Variants in SNX29 observed in about 807,000 individuals in gnomAD.
The protein encoded by SNX29 is sorting nexin-29.
SNX29 carries 78 observed loss-of-function variants against 102.1 expected under a neutral mutation model. The observed-to-expected ratio is 0.76, with a 90% CI of 0.64 to 0.92. The LOEUF is 0.92. Ranked by LOEUF, SNX29 falls within the 40% of genes least tolerant of loss-of-function variation. The pLI, the probability that SNX29 is intolerant of heterozygous loss-of-function variation, is 0.00. For missense variants in SNX29, 1,280 were observed against 1,061.7 expected, an observed-to-expected ratio of 1.21 and a Z score of -2.86; for synonymous variants, 580 against 414.5, an observed-to-expected ratio of 1.40 and a Z score of -4.85.
chr16:11,985,613 G>A (rs1346071712), intron 1 of SNX29, among the ~76,000 whole-genome samples: 5 of 152,178 alleles, frequency 3.3e-5, no homozygotes, highest in Non-Finnish European at 7.3e-5. Context: ...CCATCACTGT[G>A]ATTTTGGTTG....
intron 20 of SNX29, among the ~76,000 whole-genome samples, chr16:12,535,705 C>T (rs977857019): frequency 6.6e-6 from 1 of 152,138 alleles, no homozygotes; most frequent in Non-Finnish European, 1.5e-5. Flanking sequence ...TGTGGGTCCT[C>T]TGTGCCCCTT....
At position 12,539,168 on chromosome 16, in the gene SNX29, C is replaced by T. The variant is rs148646131; in HGVS notation, c.2318+14327C>T. Among the ~76,000 whole-genome samples the T allele has an allele frequency of 2.6e-3, 392 of 152,282 alleles. 4 individuals carry two copies. The highest frequency in any genetic ancestry group is 0.022 in the South Asian group (106 of 4,826). ...AATTGACTTTTGCTCTTGTTCATGT[C>T]TGTGAATTTAAACACATGCATAGAT... On this transcript the variant is annotated intron_variant, in intron 20 of 20. Transcript: ENST00000566228.
At chr16:12,169,598 G>C (rs751983547) in intron 13 of SNX29, among the ~76,000 whole-genome samples, 2 of 152,156 alleles carry the variant, frequency 1.3e-5, no homozygotes, top group African/African-American at 4.8e-5. Flanking sequence ...TGTGGCTCAC[G>C]CCTGTAATCC....
intron 20 of SNX29, among the ~76,000 whole-genome samples, chr16:12,563,532 T>C (rs965745155): frequency 6.6e-6 from 1 of 152,312 alleles, no homozygotes; most frequent in African/African-American, 2.4e-5. Context: ...AAAATTGAGT[T>C]GTCTCCCACC....
chr16:12,170,427 C>T lies in SNX29; in HGVS notation c.1596-29174C>T, dbSNP rs192758781. 4.6e-4 allele frequency among the ~76,000 whole-genome samples: 70 copies of T among 151,956 alleles called. 1 individual carries two copies. In the East Asian group the frequency reaches 9.7e-3, roughly 21 times the overall value. On this transcript the variant is annotated intron_variant, in intron 13 of 20. Coordinates refer to ENST00000566228, the MANE Select transcript of SNX29 (RefSeq NM_032167.5). ...AGCCAGCTCTGGGTCTCCTCTGTTACGTGGGGGAGACCACTTAGCCCTGAG... is the reference window on the plus strand; with the variant it reads ...AGCCAGCTCTGGGTCTCCTCTGTTATGTGGGGGAGACCACTTAGCCCTGAG...
intron 20 of SNX29, among the ~76,000 whole-genome samples, chr16:12,538,484 C>CAT (rs1567672359): frequency 6.6e-6 from 1 of 152,100 alleles, no homozygotes; most frequent in Non-Finnish European, 1.5e-5. Flanking sequence ...TGCTGTGTAA[C>CAT]ATACATCTAT....
intron 18 of SNX29, among the ~76,000 whole-genome samples, chr16:12,416,335 G>A (rs2084635289): frequency 6.6e-6 from 1 of 152,198 alleles, no homozygotes; most frequent in Non-Finnish European, 1.5e-5. Flanking sequence ...TAGACAGGAG[G>A]AAGAAGTTCT....
At chr16:12,008,389 C>G (rs1217220363) in intron 3 of SNX29, among the ~76,000 whole-genome samples, 1 of 152,186 alleles carries the variant, frequency 6.6e-6, no homozygotes, top group Non-Finnish European at 1.5e-5. Context: ...CTTGCCTCGG[C>G]CTTCCAGGTA....
Position 12,425,539 on chromosome 16 carries a change from A to AAT in SNX29, c.2037+22011_2037+22012insTA, listed in dbSNP as rs1567550028. ...CCAAATGACCAGAGTTAAAAAAAAA[A>AAT]AAAAATAAAAAAAATAAAAAGAGGG... On this transcript the variant is annotated intron_variant, in intron 18 of 20. Transcript: ENST00000566228. Among the ~76,000 whole-genome samples, 426 of 79,058 alleles carry AAT rather than the reference A, an allele frequency of 5.4e-3. 6 individuals are homozygous for AAT. Among genetic ancestry groups the AAT allele is most frequent in the African/African-American group, 0.012 (389 of 33,228 alleles). 51.9% of individuals were successfully genotyped at this position (79,058 alleles called of 152,430 possible). A position where few individuals can be genotyped will look rare whatever the true frequency, so the allele number is the denominator to read the frequency against.
intron 19 of SNX29, among the ~76,000 whole-genome samples, chr16:12,496,551 C>T (rs949571755): frequency 1.5e-5 from 2 of 137,026 alleles, no homozygotes; most frequent in African/African-American, 5.8e-5. Flanking sequence ...TGCTCTGTTT[C>T]CCAGGCTAGA....
At position 12,078,880 on chromosome 16, in the gene SNX29, T is replaced by C. The variant is rs745942167; in HGVS notation, c.1367T>C (p.Leu456Ser). Residue 456 changes from leucine (L) to serine (S), a missense_variant, in exon 11 of 21, where the codon TTA (leucine) becomes TCA (serine). Leu to Ser is a moderately radical substitution (Grantham distance 145, BLOSUM62 -2). Coordinates refer to ENST00000566228, the MANE Select transcript of SNX29 (RefSeq NM_032167.5). ...PGHGSPLSSLLPSASVPESMT... is the reference protein window; with the variant it reads ...PGHGSPLSSLSPSASVPESMT... ...CACGGAAGTCCTCTGAGCAGCCTGT[T>C]ACCTTCTGCCTCAGTGCCAGAGTCC... 1 of 1,607,010 alleles carries C rather than the reference T, an allele frequency of 6.2e-7. No homozygotes were observed. The highest frequency in any genetic ancestry group is 1.1e-5 in the South Asian group (1 of 89,170).
At chr16:12,063,813 C>T (rs1008318489) in intron 9 of SNX29, among the ~76,000 whole-genome samples, 6 of 151,772 alleles carry the variant, frequency 4.0e-5, no homozygotes, top group African/African-American at 1.2e-4. Flanking sequence ...GTGACAATCT[C>T]GTAGGCCTAG....
At chr16:12,425,976 C>T (rs545232335) in intron 18 of SNX29, among the ~76,000 whole-genome samples, 10 of 152,042 alleles carry the variant, frequency 6.6e-5, no homozygotes, top group Admixed American at 1.3e-4. Flanking sequence ...CCTGCCAAGA[C>T]CTTCAGGGAT....
chr16:12,111,999 C>A (rs886451143), intron 11 of SNX29, among the ~76,000 whole-genome samples: 1 of 152,194 alleles, frequency 6.6e-6, no homozygotes, highest in Non-Finnish European at 1.5e-5. Flanking sequence ...CCGTGGTCAT[C>A]GTTCCCAGGG....
At chr16:12,385,925 T>C (rs1446437870) in intron 16 of SNX29, among the ~76,000 whole-genome samples, 1 of 152,124 alleles carries the variant, frequency 6.6e-6, no homozygotes, top group African/African-American at 2.4e-5. Context: ...TGCACAGTGG[T>C]GGGGGTGAGG....
intron 3 of SNX29, among the ~76,000 whole-genome samples, chr16:12,025,697 G>A (rs547699768): frequency 5.4e-4 from 82 of 152,332 alleles, no homozygotes; most frequent in African/African-American, 1.9e-3. Context: ...CGAATACAGT[G>A]GAAAGGCATG....
At chr16:12,101,874 GT>G (rs1419346014) in intron 11 of SNX29, among the ~76,000 whole-genome samples, 1 of 152,042 alleles carries the variant, frequency 6.6e-6, no homozygotes, top group Non-Finnish European at 1.5e-5. Context: ...CCATCAGCCC[GT>G]CATCTACATT....
intron 15 of SNX29, among the ~76,000 whole-genome samples, chr16:12,280,692 C>T (rs1022758301): frequency 6.6e-6 from 1 of 152,204 alleles, no homozygotes; most frequent in Admixed American, 6.5e-5. Context: ...GATCTTTCAT[C>T]TGTGAATAGC....
chr16:12,538,531 C>G (rs369789490), intron 20 of SNX29, among the ~76,000 whole-genome samples: 1 of 152,176 alleles, frequency 6.6e-6, no homozygotes, highest in African/African-American at 2.4e-5. Context: ...ATTGCTTATG[C>G]GTGAGGTGAT....
Sources: allele counts gnomAD v4.1 joint callset (sites outside exome capture counted in the v4.1 genomes callset), GRCh38; gene constraint gnomAD v4.1.1; transcripts MANE v1.5; gene names NCBI Gene and HGNC (gene_info 2026-07-23, HGNC 2026-07-21).